Variants in SPOCK1 observed in about 807,000 individuals in gnomAD.
SPOCK1 encodes the protein testican-1.
SPOCK1 carries 23 observed loss-of-function variants against 55.3 expected under a neutral mutation model. The observed-to-expected ratio is 0.42, with a 90% CI of 0.30 to 0.59. The LOEUF is 0.59. Ranked by LOEUF, SPOCK1 falls within the 20% of genes least tolerant of loss-of-function variation. The pLI is 0.22. For missense variants in SPOCK1, 499 were observed against 552.5 expected (o/e 0.90, Z 0.97); for synonymous variants, 226 against 221.0 (o/e 1.02, Z -0.20).
intron 4 of SPOCK1, among the ~76,000 whole-genome samples, chr5:137,128,535 T>C (rs2966730): frequency 0.48 from 72,687 of 151,994 alleles, 17,556 homozygotes; most frequent in Middle Eastern, 0.52. Context: ...AAAAATACCA[T>C]AATGTGGGGT....
At chr5:136,993,119 C>T in intron 6 of SPOCK1, 1 of 152,544 alleles carries the variant, frequency 6.6e-6, no homozygotes, top group Non-Finnish European at 1.5e-5. Context: ...ATTTTGCTAG[C>T]CTTCCAGTGG....
chr5:136,988,400 C>T (rs750856550), intron 8 of SPOCK1, 22 bp downstream of exon 8: 20 of 1,608,024 alleles, frequency 1.2e-5, no homozygotes, highest in Non-Finnish European at 1.4e-5. Flanking sequence ...GCTAGGGACC[C>T]CAACCCTCCA....
At chr5:137,341,878 A>G (rs2127156408) in intron 2 of SPOCK1, among the ~76,000 whole-genome samples, 1 of 152,370 alleles carries the variant, frequency 6.6e-6, no homozygotes, top group East Asian at 1.9e-4. Flanking sequence ...TGTCACGGGA[A>G]GAAAACAAAA....
chr5:137,300,482 T>C (rs1580854251), intron 2 of SPOCK1, among the ~76,000 whole-genome samples: 2 of 152,202 alleles, frequency 1.3e-5, no homozygotes, highest in South Asian at 2.1e-4. Context: ...GGTTCTTTTA[T>C]CTTTCTTTTA....
At chr5:137,109,056 C>T (rs1010536280) in intron 5 of SPOCK1, among the ~76,000 whole-genome samples, 2 of 152,172 alleles carry the variant, frequency 1.3e-5, no homozygotes, top group African/African-American at 2.4e-5. Flanking sequence ...ATTTTAAGCT[C>T]CTCCTGCGAA....
At position 137,078,773 on chromosome 5, in the gene SPOCK1, C is replaced by T. The variant is rs568897499; in HGVS notation, c.475-10944G>A. Among the ~76,000 whole-genome samples, 3 of 152,284 alleles carry T rather than the reference C, an allele frequency of 2.0e-5. 1 individual carries two copies. The highest frequency in any genetic ancestry group is 6.8e-3 in the Middle Eastern group (2 of 294). On this transcript the variant is annotated intron_variant, in intron 5 of 10. Coordinates refer to ENST00000394945, the MANE Select transcript of SPOCK1 (RefSeq NM_004598.4). The stretch of plus-strand genomic sequence containing the variant: ...AATCTTTGCTCCTTCCTCCATACCC[C>T]AAAGCCCACATTCATTCTCTTCTTC...
At position 136,978,463 on chromosome 5, in the gene SPOCK1, C is replaced by A; in HGVS notation, c.*191G>T. 4.2e-6 allele frequency: 2 copies of A among 477,052 alleles called. No individual in the cohort carries two copies. Among genetic ancestry groups the A allele is most frequent in the Non-Finnish European group, 7.0e-6 (2 of 284,992 alleles). 29.6% of individuals were successfully genotyped at this position (477,052 alleles called of 1,614,324 possible). A position where few individuals can be genotyped will look rare whatever the true frequency, so the allele number is the denominator to read the frequency against. On this transcript the variant is annotated 3_prime_UTR_variant, in exon 11 of 11. Transcript: ENST00000394945. ...AACAACAAAAAAAAAACACAACACC[C>A]TTTCTCCCATACAAACATATGCAAA...
intron 9 of SPOCK1, 29 bp downstream of exon 9, chr5:136,985,111 T>C (rs768817296): frequency 1.2e-6 from 2 of 1,610,254 alleles, no homozygotes; most frequent in Non-Finnish European, 1.7e-6. Flanking sequence ...AATTAGTTGT[T>C]TAAATGAGTG....
chr5:137,464,488 G>C (rs1429072209), intron 2 of SPOCK1, among the ~76,000 whole-genome samples: 1 of 151,742 alleles, frequency 6.6e-6, no homozygotes, highest in Non-Finnish European at 1.5e-5. Flanking sequence ...GGAAAAGATA[G>C]TGTGGCAAGA....
chr5:137,190,726 C>T (rs777465471), intron 3 of SPOCK1, among the ~76,000 whole-genome samples: 10 of 152,156 alleles, frequency 6.6e-5, no homozygotes, highest in Non-Finnish European at 1.0e-4. Flanking sequence ...GTCTACCAGC[C>T]TTCAGGTCCT....
chr5:137,450,543 C>T (rs1015417647), intron 2 of SPOCK1, among the ~76,000 whole-genome samples: 3 of 151,994 alleles, frequency 2.0e-5, no homozygotes, highest in Non-Finnish European at 2.9e-5. Flanking sequence ...ACATAGGGCC[C>T]ATGCTTAGAA....
intron 3 of SPOCK1, among the ~76,000 whole-genome samples, chr5:137,215,379 T>A (rs1161790036): frequency 6.6e-6 from 1 of 152,088 alleles, no homozygotes; most frequent in Admixed American, 6.5e-5. Flanking sequence ...GTCCCTATGG[T>A]CAGATTTTTC....
intron 3 of SPOCK1, among the ~76,000 whole-genome samples, chr5:137,170,874 A>G (rs1215797023): frequency 1.3e-5 from 2 of 152,122 alleles, no homozygotes; most frequent in Non-Finnish European, 1.5e-5. Context: ...CTAAAGCTCA[A>G]AGAGGCTGTG....
chr5:137,356,589 G>C (rs981814594), intron 2 of SPOCK1, among the ~76,000 whole-genome samples: 1 of 151,044 alleles, frequency 6.6e-6, no homozygotes, highest in African/African-American at 2.4e-5. Context: ...CCAAGAGTTT[G>C]AGACCAGCCT....
intron 9 of SPOCK1, among the ~76,000 whole-genome samples, chr5:136,982,621 G>A (rs1404817854): frequency 6.6e-6 from 1 of 150,674 alleles, no homozygotes; most frequent in African/African-American, 2.4e-5. Flanking sequence ...TTTTTTTCAT[G>A]AACAAACTAG....
rs192613694 is a variant in SPOCK1 at position 137,150,426 on chromosome 5, T to G, written c.233-9732A>C. 2.8e-3 allele frequency among the ~76,000 whole-genome samples: 424 copies of G among 152,278 alleles called. 1 individual carries two copies. Among genetic ancestry groups the G allele is most frequent in the African/African-American group, 5.2e-3 (218 of 41,560 alleles). On this transcript the variant is annotated intron_variant, in intron 3 of 10. Transcript: ENST00000394945. ...CACAACAGAGCCTTGTACACAAACCTACGCTCATGCTCTTTTTGTTTTAGG... is the reference window on the plus strand; with the variant it reads ...CACAACAGAGCCTTGTACACAAACCGACGCTCATGCTCTTTTTGTTTTAGG...
At chr5:137,492,923 C>T (rs1284582251) in intron 2 of SPOCK1, among the ~76,000 whole-genome samples, 1 of 152,220 alleles carries the variant, frequency 6.6e-6, no homozygotes, top group Non-Finnish European at 1.5e-5. Context: ...CTATTAAACT[C>T]TTCACACTGG....
intron 2 of SPOCK1, among the ~76,000 whole-genome samples, chr5:137,483,342 T>TA (rs1456803653): frequency 6.6e-6 from 1 of 152,048 alleles, no homozygotes; most frequent in African/African-American, 2.4e-5. Flanking sequence ...GAAATAAAAA[T>TA]AAAAAATAAA....
At chr5:137,141,840 G>T (rs1004059726) in intron 3 of SPOCK1, among the ~76,000 whole-genome samples, 1 of 152,118 alleles carries the variant, frequency 6.6e-6, no homozygotes. Context: ...AGACAAGAGG[G>T]GGTGAGGGGA....
Sources: gnomAD v4.1 joint callset for allele counts (sites outside exome capture counted in the v4.1 genomes callset) on GRCh38, gnomAD v4.1.1 for gene constraint, MANE v1.5 for transcripts, NCBI Gene and HGNC (gene_info 2026-07-23, HGNC 2026-07-21) for gene names.